QARS1: variants seen among roughly 807,000 people sequenced by gnomAD.
QARS1 encodes glutamine--tRNA ligase.
QARS1 carries 79 observed loss-of-function variants against 106.9 expected under a neutral mutation model. That is an observed-to-expected ratio of 0.74 (90% confidence interval 0.62 to 0.89). The LOEUF (loss-of-function observed/expected upper bound fraction) is 0.89. Ranked by LOEUF, QARS1 falls within the 40% of genes least tolerant of loss-of-function variation. The probability of loss-of-function intolerance (pLI) is 0.00; values close to 1 mark genes in which losing one functional copy is unlikely to be tolerated. For missense variants in QARS1, 966 were observed against 997.2 expected, an observed-to-expected ratio of 0.97 and a Z score of 0.42; for synonymous variants, 395 against 367.7, an observed-to-expected ratio of 1.07 and a Z score of -0.85.
intron 19 of QARS1, 81 bp downstream of exon 19, chr3:49,098,785 ATCTGAAGCAGGAAGTAGAT>A: frequency 6.6e-7 from 1 of 1,504,982 alleles, no homozygotes; most frequent in South Asian, 1.2e-5. Flanking sequence ...AGATTGGTTC[ATCTGAAGCAGGAAGTAGAT>A]GGACTGACAG....
At chr3:49,096,538 G>A (rs935576289) in intron 23 of QARS1, among the ~76,000 whole-genome samples, 24 of 152,138 alleles carry the variant, frequency 1.6e-4, no homozygotes, top group African/African-American at 9.6e-5. Flanking sequence ...AGTGGCTCAC[G>A]CCTGTAATCC....
In QARS1 at chr3:49,098,917, T is replaced by C. The variant is rs1169271940; in HGVS notation, c.1831A>G (p.Ile611Val). The C allele has an allele frequency of 2.5e-6, 4 of 1,613,834 alleles. No homozygotes were observed. Among genetic ancestry groups the C allele is most frequent in the Non-Finnish European group, 2.5e-6 (3 of 1,179,924 alleles). Residue 611 changes from isoleucine to valine, a missense_variant, in exon 19 of 24, where the codon ATT (isoleucine) becomes GTT (valine). Transcript: ENST00000306125. ...AAGTCAGTCCTCTCAATGAAGACAA[T>C]GGGTGCAAAGGGAACCTGATGGAAG... ...KGFHQVPFAP[I>V]VFIERTDFKE...
intron 7 of QARS1, 86 bp from the exon 8 acceptor site, chr3:49,101,985 T>A: frequency 7.1e-7 from 1 of 1,414,332 alleles, no homozygotes; most frequent in East Asian, 2.3e-5. Flanking sequence ...AGACCCCTAT[T>A]CCCTCAATTC....
rs775375268 is a variant in QARS1 at position 49,098,626 on chromosome 3, C to T, written c.1930G>A (p.Val644Ile). The change falls in exon 20 of 24, where the codon GTC (valine) becomes ATC (isoleucine). Residue 644 changes from valine to isoleucine, a missense_variant. Transcript: ENST00000306125. ...TTGACAACATGCTGCAGCTCAATGA[C>T]GTAGCCTGTATGCCTCAGGCCCACA... ...QPVGLRHTGY[V>I]IELQHVVKGP... is the part of the protein sequence containing the mutation. 28 of 1,611,804 alleles carry T rather than the reference C, an allele frequency of 1.7e-5. No individual in the cohort carries two copies. In the South Asian group the frequency reaches 1.8e-4, roughly 10 times the overall value.
chr3:49,096,565 C>T (rs563415685), intron 23 of QARS1, among the ~76,000 whole-genome samples: 3 of 151,240 alleles, frequency 2.0e-5, no homozygotes, highest in South Asian at 2.1e-4. Context: ...TCTGGGAGGC[C>T]GAGGCAGGCG....
intron 9 of QARS1, 69 bp from the exon 10 acceptor site, chr3:49,101,510 C>T: frequency 6.4e-7 from 1 of 1,569,990 alleles, no homozygotes; most frequent in Non-Finnish European, 8.8e-7. Context: ...AACAGATGTT[C>T]CCTCCCAGGA....
intron 18 of QARS1, 28 bp from the exon 19 acceptor site, chr3:49,099,017 G>A (rs1173947916): frequency 1.9e-6 from 3 of 1,612,352 alleles, no homozygotes; most frequent in Non-Finnish European, 2.5e-6. Flanking sequence ...AGACAGGTAT[G>A]AGTCATACTC....
chr3:49,099,261 G>A lies in QARS1; in HGVS notation c.1615-8C>T. 2 of 1,614,138 alleles carry A rather than the reference G, an allele frequency of 1.2e-6. No homozygotes were observed. Among genetic ancestry groups the A allele is most frequent in the Non-Finnish European group, 8.5e-7 (1 of 1,180,004 alleles). ...TGCCACAGTCACTCCCACCTGGCAG[G>A]AAAGTTCAGCATCAGTCACAGCTAC... On this transcript the variant is annotated splice_region_variant and splice_polypyrimidine_tract_variant and intron_variant, in intron 17 of 23. Coordinates refer to ENST00000306125, the MANE Select transcript of QARS1 (RefSeq NM_005051.3).
Position 49,103,676 on chromosome 3 carries a change from G to C in QARS1, c.406C>G (p.Gln136Glu). Residue 136 changes from glutamine (Q) to glutamate (E), a missense_variant, in exon 4 of 24, where the codon CAG becomes GAG. Transcript: ENST00000306125. ...AAATGGTAACGTTCCACCAGGAGCTGGGGCCGGTGCCTGTTAATAGCAGCC... is the reference window on the plus strand; with the variant it reads ...AAATGGTAACGTTCCACCAGGAGCTCGGGCCGGTGCCTGTTAATAGCAGCC... ...VEAAINRHRP[Q>E]LLVERYHFNM... 6.2e-7 allele frequency: 1 copy of C among 1,613,844 alleles called. No homozygotes were observed. The highest frequency in any genetic ancestry group is 8.5e-7 in the Non-Finnish European group (1 of 1,179,884).
Position 49,099,355 on chromosome 3 carries a change from A to G in QARS1, c.1603T>C (p.Phe535Leu), listed in dbSNP as rs1455687990. ...RGFPPEAINN[F>L]CARVGVTVAQ... ...CTGCTGGGCTATACCCGGGCACAGA[A>G]GTTGTTGATGGCCTCAGGTGGGAAG... The change falls in exon 17 of 24, where the codon TTC becomes CTC. Residue 535 changes from phenylalanine (F) to leucine (L), a missense_variant. By Grantham distance (22) the Phe-to-Leu change is conservative. Coordinates refer to ENST00000306125, the MANE Select transcript of QARS1 (RefSeq NM_005051.3). 1.2e-6 allele frequency: 2 copies of G among 1,614,036 alleles called. No homozygotes were observed. Among genetic ancestry groups the G allele is most frequent in the East Asian group, 2.2e-5 (1 of 44,896 alleles).
At chr3:49,099,732 C>T (rs762849492) in intron 15 of QARS1, 29 bp downstream of exon 15, 21 of 1,613,576 alleles carry the variant, frequency 1.3e-5, no homozygotes, top group Non-Finnish European at 2.5e-6. Context: ...TCCACTGGCC[C>T]TACCACCCCA....
At position 49,099,230 on chromosome 3, in the gene QARS1, GGTTT is replaced by G. The variant is rs937998415; in HGVS notation, c.1634_1637del (p.Gln545ProfsTer8). On this transcript the variant is annotated frameshift_variant, in exon 18 of 24. Coordinates refer to ENST00000306125, the MANE Select transcript of QARS1 (RefSeq NM_005051.3). LOFTEE classifies it high-confidence loss of function. ...CTTCTAGAAGATGTGGCTCCATTGT[GGTTT>G]GTGCCACAGTCACTCCCACCTGGCA... The G allele has an allele frequency of 1.6e-5, 26 of 1,614,038 alleles. No individual in the cohort carries two copies. Among genetic ancestry groups the G allele is most frequent in the Non-Finnish European group, 1.7e-5 (20 of 1,180,030 alleles).
chr3:49,098,352 C>T lies in QARS1; in HGVS notation c.2084+1G>A, dbSNP rs79363335. On this transcript the variant is annotated splice_donor_variant, in intron 21 of 23. Transcript: ENST00000306125. LOFTEE classifies it high-confidence loss of function. ...CCCCCACCCCAGCTCTGTTCACTCA[C>T]AGTCGCTCATAGAGGCGAACCTCAC... 2 of 1,614,232 alleles carry T rather than the reference C, an allele frequency of 1.2e-6. No individual in the cohort carries two copies. Among genetic ancestry groups the T allele is most frequent in the Admixed American group, 1.7e-5 (1 of 60,022 alleles).
chr3:49,103,442 G>A (rs1346110438), intron 4 of QARS1, 33 bp from the exon 5 acceptor site: 2 of 1,611,130 alleles, frequency 1.2e-6, no homozygotes, highest in Admixed American at 1.7e-5. Flanking sequence ...CTGCAGAAAG[G>A]CAAAAAAGAG....
At chr3:49,099,461 T>C in intron 16 of QARS1, 30 bp from the exon 17 acceptor site, 1 of 1,614,106 alleles carries the variant, frequency 6.2e-7, no homozygotes, top group Non-Finnish European at 8.5e-7. Flanking sequence ...GAGAAGGCCT[T>C]TGGGAGCATA....
chr3:49,098,104 A>G lies in QARS1; in HGVS notation c.2165T>C (p.Val722Ala). ...LSDLNLASLH[V>A]VDAALVDCSV... is the part of the protein sequence containing the mutation. ...GCAGTCCACTAATGCTGCATCCACC[A>G]CGTGTAGTGATGCCTGCAGGCAGGG... Residue 722 changes from valine (V) to alanine (A), a missense_variant, in exon 23 of 24, where the codon GTG (valine) becomes GCG (alanine). By Grantham distance (64) the Val-to-Ala change is moderately conservative (BLOSUM62 0). Coordinates refer to ENST00000306125, the MANE Select transcript of QARS1 (RefSeq NM_005051.3). The G allele has an allele frequency of 2.5e-6, 4 of 1,614,110 alleles. No homozygotes were observed. The highest frequency in any genetic ancestry group is 3.4e-6 in the Non-Finnish European group (4 of 1,180,020).
At position 49,104,709 on chromosome 3, in the gene QARS1, G is replaced by T. The variant is rs62621067; in HGVS notation, c.25C>A (p.Leu9Ile). 3,319 of 1,612,830 alleles carry T rather than the reference G, an allele frequency of 2.1e-3. 4 individuals are homozygous for T. The highest frequency in any genetic ancestry group is 2.0e-3 in the Non-Finnish European group (2,390 of 1,179,374). Residue 9 changes from leucine (L) to isoleucine (I), a missense_variant, in exon 1 of 24, where the codon CTC (leucine) becomes ATC (isoleucine). Physicochemically the swap from Leu to Ile is conservative, Grantham distance 5. Transcript: ENST00000306125. The stretch of plus-strand genomic sequence containing the variant: ...TCGCTCAGGCCGAGGCTAGTGAAGA[G>T]CGACAGGGAGTCTAGAGCCGCCATT... MAALDSLSLFTSLGLSEQK... is the reference protein window; with the variant it reads MAALDSLSIFTSLGLSEQK...
rs780812908 is a variant in QARS1, at chr3:49,100,096, G to A, written c.1165-5C>T. 1 of 1,614,232 alleles carries A rather than the reference G, an allele frequency of 6.2e-7. No homozygotes were observed. On this transcript the variant is annotated splice_region_variant and splice_polypyrimidine_tract_variant and intron_variant, in intron 13 of 23. Transcript: ENST00000306125. Reference sequence around the variant, plus strand: ...AAACTTGCCCTTGCGCATTGCCTGAGGGGAACAAGGACTCAGGCTGTCTCT... The same window carrying A: ...AAACTTGCCCTTGCGCATTGCCTGAAGGGAACAAGGACTCAGGCTGTCTCT...
Position 49,103,854 on chromosome 3 carries a change from A to G in QARS1, c.375+9T>C, listed in dbSNP as rs1309834106. On this transcript the variant is annotated intron_variant, in intron 3 of 23. Coordinates refer to ENST00000306125, the MANE Select transcript of QARS1 (RefSeq NM_005051.3). The stretch of plus-strand genomic sequence containing the variant: ...TGGGGAGGCAGACGATGCCTGGGGA[A>G]AGACTCACAGCCTCCTCAATCTGCT... 1 of 1,612,956 alleles carries G rather than the reference A, an allele frequency of 6.2e-7. No homozygotes were observed. The highest frequency in any genetic ancestry group is 8.5e-7 in the Non-Finnish European group (1 of 1,179,158).
Sources: allele counts gnomAD v4.1 joint callset (sites outside exome capture counted in the v4.1 genomes callset), GRCh38; gene constraint gnomAD v4.1.1; transcripts MANE v1.5; gene names NCBI Gene and HGNC (gene_info 2026-07-23, HGNC 2026-07-21).